The following GALNT11 variants were observed in gnomAD, a reference collection of about 807,000 sequenced individuals.
The protein encoded by GALNT11 is polypeptide N-acetylgalactosaminyltransferase 11.
In GALNT11, 47 loss-of-function variants were observed where a neutral mutation model predicts 72.7. The observed-to-expected ratio is 0.65, with a 90% CI of 0.51 to 0.82. The LOEUF is 0.82. GALNT11 is among the 40% of genes least tolerant of loss of function. The pLI is 0.00. For missense variants in GALNT11, 677 were observed against 778.4 expected (o/e 0.87, Z 1.55); for synonymous variants, 270 against 286.6 (o/e 0.94, Z 0.58).
chr7:152,084,425 TTTTG>T (rs1587247021), intron 1 of GALNT11, among the ~76,000 whole-genome samples: 9 of 151,458 alleles, frequency 5.9e-5, no homozygotes, highest in East Asian at 3.9e-4. Context: ...TTCAAGTTGA[TTTTG>T]TTAGAACTAT....
At position 152,113,391 on chromosome 7, in the gene GALNT11, A is replaced by G. The variant is rs73161885; in HGVS notation, c.1226A>G (p.Glu409Gly). 15,201 of 1,613,460 alleles carry G rather than the reference A, an allele frequency of 9.4e-3. 111 individuals are homozygous for G. Among genetic ancestry groups the G allele is most frequent in the Non-Finnish European group, 0.01 (11,879 of 1,179,766 alleles). The part of the protein sequence containing the change: ...SLRLAHVWLD[E>G]YKEQYFSLRP... Reference sequence around the variant, plus strand: ...CGGCTGGCACATGTCTGGTTGGATGAATACAAGGTGAGATGAAATTTCTTG... The same window carrying G: ...CGGCTGGCACATGTCTGGTTGGATGGATACAAGGTGAGATGAAATTTCTTG... The change falls in exon 8 of 12, where the codon GAA becomes GGA. Residue 409 changes from glutamate to glycine, a missense_variant. Glu to Gly is a moderately conservative substitution (Grantham distance 98, BLOSUM62 -2). Coordinates refer to ENST00000430044, the MANE Select transcript of GALNT11 (RefSeq NM_022087.4).
chr7:152,036,339 G>A (rs2082578187), intron 1 of GALNT11, among the ~76,000 whole-genome samples: 1 of 152,206 alleles, frequency 6.6e-6, no homozygotes, highest in African/African-American at 2.4e-5. Flanking sequence ...AACAGGCAAA[G>A]TTTGTCATTC....
At chr7:152,088,662 T>C (rs953069489) in intron 1 of GALNT11, among the ~76,000 whole-genome samples, 1 of 152,150 alleles carries the variant, frequency 6.6e-6, no homozygotes, top group Non-Finnish European at 1.5e-5. Context: ...CCTCTGAAGG[T>C]CATTGCATCT....
In GALNT11 at chr7:152,094,020, T is replaced by C. The variant is rs76267088; in HGVS notation, c.-38-170T>C. ...ACCCACAGGCCTGAGGTTTTCATTG[T>C]TGAACCCTTTTTAAAAACTCAGTAC... On this transcript the variant is annotated intron_variant, in intron 1 of 11. Transcript: ENST00000430044. The surrounding 1 kb of genome is among the most constrained non-coding windows in gnomAD (Gnocchi z 4.3). 2 of 511,326 alleles carry C rather than the reference T, an allele frequency of 3.9e-6. No homozygotes were observed. The highest frequency in any genetic ancestry group is 6.5e-6 in the Non-Finnish European group (2 of 305,412). The allele number at this position is 511,326 out of a possible 1,614,324, so 31.7% of individuals were successfully genotyped here. A position where few individuals can be genotyped will look rare whatever the true frequency, so the allele number is the denominator to read the frequency against.
chr7:152,064,071 C>T (rs1189847542), intron 1 of GALNT11, among the ~76,000 whole-genome samples: 1 of 152,080 alleles, frequency 6.6e-6, no homozygotes, highest in Non-Finnish European at 1.5e-5. Flanking sequence ...TTAAAGTCTG[C>T]CATTATTATT....
At chr7:152,048,953 C>T (rs13228314) in intron 1 of GALNT11, among the ~76,000 whole-genome samples, 7,881 of 151,446 alleles carry the variant, frequency 0.052, 391 homozygotes, top group East Asian at 0.2. Flanking sequence ...TTTATAGCTC[C>T]AGAATTTCTA....
intron 2 of GALNT11, among the ~76,000 whole-genome samples, chr7:152,100,080 G>A (rs940095825): frequency 3.2e-4 from 49 of 150,806 alleles, no homozygotes; most frequent in Admixed American, 5.3e-4. Flanking sequence ...CGTCTGACCC[G>A]GGAAGCTCTT....
At chr7:152,118,651 C>T (rs373191801) in intron 9 of GALNT11, 27 bp from the exon 10 acceptor site, 7 of 1,597,096 alleles carry the variant, frequency 4.4e-6, no homozygotes, top group Non-Finnish European at 6.0e-6. Flanking sequence ...TTGTTTCCCA[C>T]ATTCTGAGCT....
chr7:152,078,003 G>T (rs549168392), intron 1 of GALNT11, among the ~76,000 whole-genome samples: 1 of 151,864 alleles, frequency 6.6e-6, no homozygotes, highest in South Asian at 2.1e-4. Flanking sequence ...AGCCAAAATG[G>T]AGGATTCAGT....
intron 1 of GALNT11, among the ~76,000 whole-genome samples, chr7:152,058,666 T>A (rs561671971): frequency 6.6e-6 from 1 of 152,316 alleles, no homozygotes; most frequent in Admixed American, 6.5e-5. Flanking sequence ...AAGTAAAGTC[T>A]GACTCATCGA....
At chr7:152,093,569 T>G (rs149046142) in intron 1 of GALNT11, among the ~76,000 whole-genome samples, 46 of 152,052 alleles carry the variant, frequency 3.0e-4, no homozygotes, top group Middle Eastern at 3.4e-3. Flanking sequence ...GGGATTATTA[T>G]AGGCGCCCAC....
At position 152,103,212 on chromosome 7, in the gene GALNT11, G is replaced by A; in HGVS notation, c.520G>A (p.Val174Ile). Residue 174 changes from valine to isoleucine, a missense_variant, in exon 4 of 12, where the codon GTC becomes ATC. Transcript: ENST00000430044. The stretch of plus-strand genomic sequence containing the variant: ...TGCCTTGCTTCGGACAGTGCACAGT[G>A]TCATAGACCGCACGCCAGCACACCT... ...FSALLRTVHS[V>I]IDRTPAHLLH... 1 of 1,613,738 alleles carries A rather than the reference G, an allele frequency of 6.2e-7. No individual in the cohort carries two copies. The highest frequency in any genetic ancestry group is 8.5e-7 in the Non-Finnish European group (1 of 1,179,772).
chr7:152,083,572 G>A (rs1400743825), intron 1 of GALNT11, among the ~76,000 whole-genome samples: 2 of 151,960 alleles, frequency 1.3e-5, no homozygotes, highest in South Asian at 2.1e-4. Flanking sequence ...GCCCTGCTGC[G>A]CTGTTTGGAT....
rs1163882578 is a variant in GALNT11 at position 152,118,766 on chromosome 7, A to G, written c.1541A>G (p.Tyr514Cys). 1.2e-6 allele frequency: 2 copies of G among 1,606,860 alleles called. No individual in the cohort carries two copies. Among genetic ancestry groups the G allele is most frequent in the Non-Finnish European group, 1.7e-6 (2 of 1,178,064 alleles). The change falls in exon 10 of 12, where the codon TAC becomes TGC. Residue 514 changes from tyrosine (Y) to cysteine (C), a missense_variant. Physicochemically the swap from Tyr to Cys is radical, Grantham distance 194 (BLOSUM62 -2). Transcript: ENST00000430044. The stretch of plus-strand genomic sequence containing the variant: ...CTCGTGGTGCTTAAGGCCTGTGACT[A>G]CAGTGACCCAAATCAGGTGAGTGAC... ...GGLVVLKACD[Y>C]SDPNQIWIYN...
Position 152,094,076 on chromosome 7 carries a change from C to T in GALNT11, c.-38-114C>T, listed in dbSNP as rs931469266. 1.8e-5 allele frequency: 15 copies of T among 821,884 alleles called. No individual in the cohort carries two copies. Among genetic ancestry groups the T allele is most frequent in the East Asian group, 7.6e-5 (3 of 39,648 alleles). 50.9% of individuals were successfully genotyped at this position (821,884 alleles called of 1,614,324 possible). ...ATACATCTTCTTGTATTTGAATATC[C>T]GTTAACTGTACGCATAGTGGTCCTA... is the stretch of plus-strand genomic sequence containing the variant. On this transcript the variant is annotated intron_variant, in intron 1 of 11. Coordinates refer to ENST00000430044, the MANE Select transcript of GALNT11 (RefSeq NM_022087.4). The surrounding 1 kb of genome is among the most constrained non-coding windows in gnomAD (Gnocchi z 4.3).
intron 1 of GALNT11, among the ~76,000 whole-genome samples, chr7:152,072,435 CAA>C (rs2084710812): frequency 6.6e-6 from 1 of 152,052 alleles, no homozygotes; most frequent in African/African-American, 2.4e-5. Flanking sequence ...TAACTTTCTT[CAA>C]GTTTCTTATT....
In GALNT11 at chr7:152,100,887, T is replaced by C; in HGVS notation, c.385T>C (p.Tyr129His). 6.2e-7 allele frequency: 1 copy of C among 1,614,074 alleles called. No individual in the cohort carries two copies. The highest frequency in any genetic ancestry group is 1.1e-5 in the South Asian group (1 of 91,074). ...TATGCTTATCAGTGACCGCTTGGGC[T>C]ACCACAGAGATGTGCCAGACACAAG... is the stretch of plus-strand genomic sequence containing the variant. Reference protein sequence around the residue: ...FNMLISDRLGYHRDVPDTRNA... With the variant: ...FNMLISDRLGHHRDVPDTRNA... Residue 129 changes from tyrosine to histidine, a missense_variant, in exon 3 of 12, where the codon TAC becomes CAC. By Grantham distance (83) the Tyr-to-His change is moderately conservative. Coordinates refer to ENST00000430044, the MANE Select transcript of GALNT11 (RefSeq NM_022087.4).
intron 2 of GALNT11, among the ~76,000 whole-genome samples, chr7:152,100,177 G>A (rs1055315594): frequency 6.6e-6 from 1 of 151,960 alleles, no homozygotes; most frequent in African/African-American, 2.4e-5. Context: ...AAGGGCCACT[G>A]GGGTTCTAAA....
rs747066187 is a variant in GALNT11 at position 152,121,736 on chromosome 7, G to A, written c.*59G>A. 1.4e-5 allele frequency: 22 copies of A among 1,576,308 alleles called. No homozygotes were observed. The highest frequency in any genetic ancestry group is 1.9e-5 in the Non-Finnish European group (22 of 1,158,614). On this transcript the variant is annotated 3_prime_UTR_variant, in exon 12 of 12. Transcript: ENST00000430044. ...GGCGTTGCCTCCGGTGTGGAGTTTG[G>A]GGCTTTAGGAAAGCCTGGGTTGGGT... is the stretch of plus-strand genomic sequence containing the variant.
Sources: gnomAD v4.1 joint callset for allele counts (sites outside exome capture counted in the v4.1 genomes callset) on GRCh38, gnomAD v4.1.1 for gene constraint, Gnocchi (gnomAD v3.1) non-coding constraint, MANE v1.5 for transcripts, NCBI Gene and HGNC (gene_info 2026-07-23, HGNC 2026-07-21) for gene names.